The following DISP3 variants were observed in gnomAD, a reference collection of about 807,000 sequenced individuals.
DISP3 encodes dispatched RND transporter family member 3.
DISP3 carries 101 observed loss-of-function variants against 135.3 expected under a neutral mutation model. That is an observed-to-expected ratio of 0.75 (90% CI 0.64 to 0.88). The LOEUF (loss-of-function observed/expected upper bound fraction) is 0.88, where lower values mean the gene tolerates loss of function less well. DISP3 is among the 40% of genes least tolerant of loss of function. DISP3 has a pLI of 0.00. For synonymous variants in DISP3, 856 were observed against 817.0 expected, an observed-to-expected ratio of 1.05 and a Z score of -0.81; for missense variants, 1,713 against 1,878.6, an observed-to-expected ratio of 0.91 and a Z score of 1.63.
At chr1:11,480,689 A>ACACG (rs2100340979) in intron 1 of DISP3, among the ~76,000 whole-genome samples, 1 of 149,760 alleles carries the variant, frequency 6.7e-6, no homozygotes, top group African/African-American at 2.5e-5. Flanking sequence ...ACACACACAC[A>ACACG]CACACACACA....
intron 3 of DISP3, among the ~76,000 whole-genome samples, chr1:11,507,079 T>C (rs1641724392): frequency 6.6e-6 from 1 of 152,166 alleles, no homozygotes; most frequent in Non-Finnish European, 1.5e-5. Context: ...AAGTGTGACT[T>C]TTATTCAGTG....
At chr1:11,523,341 A>C (rs999456670) in intron 10 of DISP3, among the ~76,000 whole-genome samples, 2 of 152,188 alleles carry the variant, frequency 1.3e-5, no homozygotes, top group African/African-American at 2.4e-5. Context: ...TCACTCTAAC[A>C]GTCACTCCTG....
Position 11,536,795 on chromosome 1 carries a change from G to A in DISP3, c.*109G>A, listed in dbSNP as rs1339646572. 32 of 1,355,718 alleles carry A rather than the reference G, an allele frequency of 2.4e-5. No homozygotes were observed. Among genetic ancestry groups the A allele is most frequent in the South Asian group, 7.6e-5 (5 of 65,416 alleles). The allele number at this position is 1,355,718 out of a possible 1,614,324, so 84.0% of individuals were successfully genotyped here. A position where few individuals can be genotyped will look rare whatever the true frequency, so the allele number is the denominator to read the frequency against. On this transcript the variant is annotated 3_prime_UTR_variant, in exon 21 of 21. Coordinates refer to ENST00000294484, the MANE Select transcript of DISP3 (RefSeq NM_020780.2). The surrounding 1 kb of genome is among the most constrained non-coding windows in gnomAD (Gnocchi z 4.3). ...GTGTCCCCAGGCCTGGGCCCAGGGCGCCCTGCGGGCCAGCGTGGAGGCTGA... is the reference window on the plus strand; with the variant it reads ...GTGTCCCCAGGCCTGGGCCCAGGGCACCCTGCGGGCCAGCGTGGAGGCTGA...
intron 1 of DISP3, among the ~76,000 whole-genome samples, chr1:11,490,548 C>T (rs895723670): frequency 1.4e-4 from 21 of 152,300 alleles, no homozygotes; most frequent in African/African-American, 3.8e-4. Context: ...GGATTACAGG[C>T]GTGAGCCACC....
chr1:11,534,758 C>T (rs894611101), intron 18 of DISP3: 7 of 776,212 alleles, frequency 9.0e-6, no homozygotes, highest in Non-Finnish European at 1.5e-5. Context: ...ACTTTGGCCA[C>T]CTAAAAAGTA....
chr1:11,517,472 G>C lies in DISP3; in HGVS notation c.1759G>C (p.Val587Leu). 1 of 1,614,140 alleles carries C rather than the reference G, an allele frequency of 6.2e-7. No individual in the cohort carries two copies. The highest frequency in any genetic ancestry group is 8.5e-7 in the Non-Finnish European group (1 of 1,179,980). Residue 587 changes from valine (V) to leucine (L), a missense_variant, in exon 7 of 21, where the codon GTC (valine) becomes CTC (leucine). This residue lies in a region of DISP3 where 1,142 missense variants were observed against 1,384.6 expected (regional missense o/e 0.82). Coordinates refer to ENST00000294484, the MANE Select transcript of DISP3 (RefSeq NM_020780.2). Reference protein sequence around the residue: ...AANVFSQIPAVHDFGLFMSLI... With the variant: ...AANVFSQIPALHDFGLFMSLI... ...TCCTTTCCATCACCAGATCCCAGCC[G>C]TCCACGACTTTGGCCTGTTCATGTC...
In DISP3 at chr1:11,499,609, C is replaced by T. The variant is rs1641442540; in HGVS notation, c.-3-1381C>T. On this transcript the variant is annotated intron_variant, in intron 1 of 20. Coordinates refer to ENST00000294484, the MANE Select transcript of DISP3 (RefSeq NM_020780.2). This position sits in a 1 kb window ranked among gnomAD's most constrained non-coding sequence, Gnocchi z 5.2. ...TCCAGGCCTCTCTCCTGCAAGTCTT[C>T]CGCTGCGCACCCCTCCTCTCCCCCA... Among the ~76,000 whole-genome samples the T allele has an allele frequency of 6.6e-6, 1 of 152,166 alleles. No homozygotes were observed. Among genetic ancestry groups the T allele is most frequent in the Admixed American group, 6.5e-5 (1 of 15,280 alleles).
intron 18 of DISP3, among the ~76,000 whole-genome samples, 165 bp downstream of exon 18, chr1:11,534,705 G>A (rs1251708315): frequency 6.6e-6 from 1 of 152,230 alleles, no homozygotes; most frequent in Non-Finnish European, 1.5e-5. Flanking sequence ...TGGAGTTTGG[G>A]TCCTCTCCTG....
intron 3 of DISP3, among the ~76,000 whole-genome samples, chr1:11,510,273 C>T (rs1296643550): frequency 2.0e-5 from 3 of 152,070 alleles, no homozygotes; most frequent in Non-Finnish European, 2.9e-5. Context: ...CTCTTTTGAA[C>T]TATTGAATGT....
At position 11,516,000 on chromosome 1, in the gene DISP3, G is replaced by A; in HGVS notation, c.1589-1G>A. ...GCCTGGCTGGGGACTCCCTCCCACA[G>A]GTGTGGACGATGTCTTTGTGTTCAT... On this transcript the variant is annotated splice_acceptor_variant, in intron 5 of 20. Transcript: ENST00000294484. LOFTEE classifies it high-confidence loss of function. 1.2e-6 allele frequency: 2 copies of A among 1,613,842 alleles called. No homozygotes were observed. Among genetic ancestry groups the A allele is most frequent in the Non-Finnish European group, 1.7e-6 (2 of 1,179,834 alleles).
chr1:11,482,086 T>C (rs1238569094), intron 1 of DISP3: 1 of 152,206 alleles, frequency 6.6e-6, no homozygotes, highest in Non-Finnish European at 1.5e-5. Flanking sequence ...GGTCCTTGGA[T>C]GGTTTAAGCC....
In DISP3 at chr1:11,515,359, C is replaced by T; in HGVS notation, c.1454-10C>T. On this transcript the variant is annotated splice_polypyrimidine_tract_variant and intron_variant, in intron 4 of 20. Transcript: ENST00000294484. ...CCCCACCGTCTCCCTGTGTCTCTTACCCTGCCCAGTGTTCCTGTCCTTCTT... is the reference window on the plus strand; with the variant it reads ...CCCCACCGTCTCCCTGTGTCTCTTATCCTGCCCAGTGTTCCTGTCCTTCTT... 1 of 1,614,140 alleles carries T rather than the reference C, an allele frequency of 6.2e-7. No individual in the cohort carries two copies. Among genetic ancestry groups the T allele is most frequent in the Non-Finnish European group, 8.5e-7 (1 of 1,179,968 alleles).
chr1:11,530,116 T>C (rs1215181391), intron 15 of DISP3, among the ~76,000 whole-genome samples, 157 bp downstream of exon 15: 1 of 151,868 alleles, frequency 6.6e-6, no homozygotes, highest in Non-Finnish European at 1.5e-5. Flanking sequence ...CCCCTGGGGG[T>C]CCGGTTTTTC....
chr1:11,484,397 G>A (rs550475803), intron 1 of DISP3, among the ~76,000 whole-genome samples: 1 of 152,338 alleles, frequency 6.6e-6, no homozygotes, highest in East Asian at 1.9e-4. Context: ...GATGGGCAGC[G>A]GCAGGCTATT....
chr1:11,505,399 G>A (rs932527442), intron 3 of DISP3, among the ~76,000 whole-genome samples: 1 of 152,210 alleles, frequency 6.6e-6, no homozygotes, highest in African/African-American at 2.4e-5. Flanking sequence ...AAACTGAGAG[G>A]TGATGACTAT....
At position 11,526,781 on chromosome 1, in the gene DISP3, G is replaced by A; in HGVS notation, c.2744G>A (p.Gly915Asp). Residue 915 changes from glycine to aspartate, a missense_variant, in exon 13 of 21, where the codon GGC becomes GAC. By Grantham distance (94) the Gly-to-Asp change is moderately conservative (BLOSUM62 -1). Transcript: ENST00000294484. Reference protein sequence around the residue: ...LTTLACDAKRGWKFDFSFYVA... With the variant: ...LTTLACDAKRDWKFDFSFYVA... ...ACCTTGGCCTGTGATGCCAAGCGGG[G>A]CTGGAAGTTTGACTTCAGCTTCTAC... is the stretch of plus-strand genomic sequence containing the variant. The A allele has an allele frequency of 1.2e-6, 2 of 1,612,970 alleles. No individual in the cohort carries two copies. Among genetic ancestry groups the A allele is most frequent in the Non-Finnish European group, 1.7e-6 (2 of 1,180,024 alleles).
Position 11,517,449 on chromosome 1 carries a change from C to A in DISP3, c.1750-14C>A, listed in dbSNP as rs547731147. The A allele has an allele frequency of 1.2e-5, 20 of 1,613,478 alleles. No homozygotes were observed. Among genetic ancestry groups the A allele is most frequent in the Admixed American group, 8.3e-5 (5 of 59,998 alleles). Reference sequence around the variant, plus strand: ...CAACCTGTCCCACATCCCTCTCTTCCTTTCCATCACCAGATCCCAGCCGTC... The same window carrying A: ...CAACCTGTCCCACATCCCTCTCTTCATTTCCATCACCAGATCCCAGCCGTC... On this transcript the variant is annotated splice_polypyrimidine_tract_variant and intron_variant, in intron 6 of 20. Coordinates refer to ENST00000294484, the MANE Select transcript of DISP3 (RefSeq NM_020780.2).
intron 10 of DISP3, among the ~76,000 whole-genome samples, chr1:11,522,619 C>G (rs1642241784): frequency 2.0e-5 from 1 of 50,578 alleles, no homozygotes; most frequent in African/African-American, 7.4e-5. Flanking sequence ...CCAGCCAGGA[C>G]CCAGCCAGAG....
At position 11,536,976 on chromosome 1, in the gene DISP3, C is replaced by T. The variant is rs1397972205; in HGVS notation, c.*290C>T. Reference sequence around the variant, plus strand: ...TCCCATGCCCGGTCACCATGGGGGTCAGGTTATTTTTGTAGGGGGTCTCCC... The same window carrying T: ...TCCCATGCCCGGTCACCATGGGGGTTAGGTTATTTTTGTAGGGGGTCTCCC... On this transcript the variant is annotated 3_prime_UTR_variant, in exon 21 of 21. Transcript: ENST00000294484. The surrounding 1 kb of genome is among the most constrained non-coding windows in gnomAD (Gnocchi z 4.3). 2.2e-6 allele frequency: 1 copy of T among 454,674 alleles called. No individual in the cohort carries two copies. The highest frequency in any genetic ancestry group is 3.9e-6 in the Non-Finnish European group (1 of 255,248). 28.2% of individuals were successfully genotyped at this position (454,674 alleles called of 1,614,324 possible).
Sources: allele counts gnomAD v4.1 joint callset (sites outside exome capture counted in the v4.1 genomes callset), GRCh38; gene constraint gnomAD v4.1.1; regional missense constraint gnomAD v4.1.1; non-coding constraint Gnocchi (gnomAD v3.1); transcripts MANE v1.5; gene names NCBI Gene and HGNC (gene_info 2026-07-23, HGNC 2026-07-21).